Variants in KIFAP3 observed in about 807,000 individuals in gnomAD.
KIFAP3 encodes the protein kinesin associated protein 3, also known as kinesin-associated protein 3.
In KIFAP3, 68 loss-of-function variants were observed where a neutral mutation model predicts 106.5. The ratio of observed to expected loss-of-function variants is 0.64; its 90% CI spans 0.53 to 0.78. The LOEUF (loss-of-function observed/expected upper bound fraction) is 0.78, where lower values mean the gene tolerates loss of function less well. Ranked by LOEUF, KIFAP3 falls within the 30% of genes least tolerant of loss-of-function variation. The probability of loss-of-function intolerance (pLI) is 0.00; values close to 1 mark genes in which losing one functional copy is unlikely to be tolerated. For missense variants in KIFAP3, 780 were observed against 941.8 expected, an observed-to-expected ratio of 0.83 and a Z score of 2.25; for synonymous variants, 320 against 311.5, an observed-to-expected ratio of 1.03 and a Z score of -0.29.
At chr1:169,963,049 C>G (rs1191927290) in intron 17 of KIFAP3, among the ~76,000 whole-genome samples, 1 of 151,920 alleles carries the variant, frequency 6.6e-6, no homozygotes, top group Admixed American at 6.6e-5. Flanking sequence ...AGATTGTCAC[C>G]CAGGTAATAA....
intron 19 of KIFAP3, among the ~76,000 whole-genome samples, chr1:169,945,652 T>C (rs1053745958): frequency 6.6e-6 from 1 of 152,230 alleles, no homozygotes; most frequent in Non-Finnish European, 1.5e-5. Flanking sequence ...CAGATTTAAA[T>C]TGAACACTAA....
intron 17 of KIFAP3, 130 bp from the exon 18 acceptor site, chr1:169,961,365 T>C (rs1665322278): frequency 3.3e-6 from 2 of 614,118 alleles, no homozygotes; most frequent in African/African-American, 3.7e-5. Context: ...AAATACCTGT[T>C]CAGGATTATT....
Position 170,024,486 on chromosome 1 carries a change from C to G in KIFAP3, c.952G>C (p.Glu318Gln). ...AATGACACAACTAAAATTAGCAGCT[C>G]AAAATTGTCCCGATCAAGGGCTTTC... ...LVKALDRDNF[E>Q]LLILVVSFLK... Residue 318 changes from glutamate to glutamine, a missense_variant, in exon 9 of 20, where the codon GAG becomes CAG. Glu to Gln is a conservative substitution (Grantham distance 29). Transcript: ENST00000361580. 1 of 1,604,824 alleles carries G rather than the reference C, an allele frequency of 6.2e-7. No individual in the cohort carries two copies. The highest frequency in any genetic ancestry group is 8.5e-7 in the Non-Finnish European group (1 of 1,175,264).
chr1:169,961,053 G>A lies in KIFAP3; in HGVS notation c.2166C>T (p.Tyr722=), dbSNP rs928177690. 1.2e-6 allele frequency: 2 copies of A among 1,610,816 alleles called. No homozygotes were observed. The highest frequency in any genetic ancestry group is 2.7e-5 in the African/African-American group (2 of 74,754). ...GDILERPDLF[Y]NSDGLIASEG... is the part of the protein sequence containing the mutation. Reference sequence around the variant, plus strand: ...TTTCGCTTTGGTTATCACCTGAGTTGTAGAAAAGGTCAGGTCTTTCGAGAA... The same window carrying A: ...TTTCGCTTTGGTTATCACCTGAGTTATAGAAAAGGTCAGGTCTTTCGAGAA... Residue 722 remains tyrosine, a synonymous_variant, in exon 18 of 20, where the codon TAC becomes TAT. Coordinates refer to ENST00000361580, the MANE Select transcript of KIFAP3 (RefSeq NM_014970.4).
At chr1:170,084,501 A>G (rs1297516454) in intron 1 of KIFAP3, among the ~76,000 whole-genome samples, 1 of 152,220 alleles carries the variant, frequency 6.6e-6, no homozygotes, top group Admixed American at 6.5e-5. Context: ...TAATGCTTTC[A>G]TAATAGCAGC....
chr1:169,952,129 A>C (rs544825894), intron 19 of KIFAP3, among the ~76,000 whole-genome samples: 1 of 152,122 alleles, frequency 6.6e-6, no homozygotes, highest in South Asian at 2.1e-4. Context: ...TTTATTTCCT[A>C]AGGCAAGGTG....
chr1:170,058,696 T>A (rs904056631), intron 1 of KIFAP3, among the ~76,000 whole-genome samples: 3 of 152,044 alleles, frequency 2.0e-5, no homozygotes, highest in South Asian at 2.1e-4. Flanking sequence ...CATTTTTTTT[T>A]AAACTGGGAC....
At chr1:169,986,018 TAAC>T (rs1666812254) in intron 11 of KIFAP3, among the ~76,000 whole-genome samples, 2 of 151,884 alleles carry the variant, frequency 1.3e-5, no homozygotes, top group Admixed American at 1.3e-4. Flanking sequence ...CCCAAATTGT[TAAC>T]AACAAATAGA....
chr1:170,074,626 G>C lies in KIFAP3; in HGVS notation c.-159C>G. The C allele has an allele frequency of 6.7e-7, 1 of 1,495,320 alleles. No individual in the cohort carries two copies. The highest frequency in any genetic ancestry group is 1.4e-5 in the African/African-American group (1 of 72,224). The allele number at this position is 1,495,320 out of a possible 1,614,324, so 92.6% of individuals were successfully genotyped here. A position where few individuals can be genotyped will look rare whatever the true frequency, so the allele number is the denominator to read the frequency against. ...GCGGCGCTGTGGTTACCACGGTGAA[G>C]CCTCCAGCTCCTCCCACAGCTTCTG... On this transcript the variant is annotated 5_prime_UTR_variant, in exon 1 of 20. Transcript: ENST00000361580.
At chr1:170,002,930 G>C (rs1667739067) in intron 10 of KIFAP3, among the ~76,000 whole-genome samples, 3 of 152,086 alleles carry the variant, frequency 2.0e-5, no homozygotes, top group Admixed American at 2.0e-4. Context: ...GTAATTCTGT[G>C]ATACTGGGTT....
rs150673005 is a variant in KIFAP3, at chr1:169,968,937, T to C, written c.1983+3576A>G. On this transcript the variant is annotated intron_variant, in intron 17 of 19. Coordinates refer to ENST00000361580, the MANE Select transcript of KIFAP3 (RefSeq NM_014970.4). ...TAACAAGTTGGAAAAATATCCTAAA[T>C]GTCCGCCTTTTGGTTTACGCAATAT... 3.2e-4 allele frequency among the ~76,000 whole-genome samples: 49 copies of C among 151,978 alleles called. 1 individual carries two copies. The highest frequency in any genetic ancestry group is 8.0e-4 in the African/African-American group (33 of 41,496).
intron 10 of KIFAP3, among the ~76,000 whole-genome samples, chr1:170,001,233 A>G (rs1667654027): frequency 6.6e-6 from 1 of 152,152 alleles, no homozygotes; most frequent in Non-Finnish European, 1.5e-5. Flanking sequence ...AATGATAAGG[A>G]TCAAAATAAA....
At chr1:169,973,847 AAGTC>A (rs1304393617) in intron 16 of KIFAP3, among the ~76,000 whole-genome samples, 2 of 151,918 alleles carry the variant, frequency 1.3e-5, no homozygotes, top group Non-Finnish European at 2.9e-5. Context: ...TTATGAAAGA[AAGTC>A]AGCTCGAATA....
rs1450338863 is a variant in KIFAP3, at chr1:170,074,459, C to T, written c.9G>A (p.Gly3=). The T allele has an allele frequency of 6.2e-7, 1 of 1,614,038 alleles. No homozygotes were observed. The highest frequency in any genetic ancestry group is 8.5e-7 in the Non-Finnish European group (1 of 1,179,962). ...ACCTTTTGAGGTATCTGGCGTCCTC[C>T]CCTTGCATGGCGGCAGCGGCAGCGG... MQ[G]EDARYLKRKV... Residue 3 remains glycine (G), a synonymous_variant, in exon 1 of 20, where the codon GGG becomes GGA. Coordinates refer to ENST00000361580, the MANE Select transcript of KIFAP3 (RefSeq NM_014970.4).
intron 19 of KIFAP3, among the ~76,000 whole-genome samples, chr1:169,929,028 A>C (rs1317235980): frequency 6.6e-6 from 1 of 152,138 alleles, no homozygotes; most frequent in Non-Finnish European, 1.5e-5. Context: ...ATAAAACAAT[A>C]CCTAACACTA....
At chr1:170,045,762 A>C (rs368183925) in intron 3 of KIFAP3, among the ~76,000 whole-genome samples, 4 of 152,008 alleles carry the variant, frequency 2.6e-5, no homozygotes, top group Admixed American at 1.3e-4. Context: ...TCTGACTTGA[A>C]CTCTGTTCCA....
At chr1:169,924,394 AAAGG>A (rs1334660548) in intron 19 of KIFAP3, among the ~76,000 whole-genome samples, 17 of 152,222 alleles carry the variant, frequency 1.1e-4, no homozygotes, top group African/African-American at 3.9e-4. Context: ...GTTTTGGAAA[AAAGG>A]AATAAAATTT....
At chr1:170,064,554 A>G (rs1167421291) in intron 1 of KIFAP3, among the ~76,000 whole-genome samples, 1 of 152,134 alleles carries the variant, frequency 6.6e-6, no homozygotes, top group Non-Finnish European at 1.5e-5. Flanking sequence ...GGGTTTCAAC[A>G]TATTGCCCAG....
chr1:170,062,954 A>T (rs1233728574), intron 1 of KIFAP3, among the ~76,000 whole-genome samples: 1 of 152,102 alleles, frequency 6.6e-6, no homozygotes, highest in Non-Finnish European at 1.5e-5. Flanking sequence ...TGCAAAAATT[A>T]TAACAGTGAG....
Sources: allele counts gnomAD v4.1 joint callset (sites outside exome capture counted in the v4.1 genomes callset), GRCh38; gene constraint gnomAD v4.1.1; transcripts MANE v1.5; gene names NCBI Gene and HGNC (gene_info 2026-07-23, HGNC 2026-07-21).